The following CAMKK1 variants were observed in gnomAD, a reference collection of about 807,000 sequenced individuals.
The protein encoded by CAMKK1 is calcium/calmodulin dependent protein kinase kinase 1, also known as calcium/calmodulin-dependent protein kinase kinase 1.
CAMKK1 carries 20 observed loss-of-function variants against 63.5 expected under a neutral mutation model. That is an observed-to-expected ratio of 0.32 (90% confidence interval 0.22 to 0.46). CAMKK1 has a LOEUF of 0.46. CAMKK1 is among the 20% of genes least tolerant of loss of function. The pLI, the probability that CAMKK1 is intolerant of heterozygous loss-of-function variation, is 1.00. For missense variants in CAMKK1, 588 were observed against 658.1 expected, an observed-to-expected ratio of 0.89 and a Z score of 1.17; for synonymous variants, 253 against 269.0, an observed-to-expected ratio of 0.94 and a Z score of 0.58.
chr17:3,873,897 T>A (rs890682547), intron 10 of CAMKK1, among the ~76,000 whole-genome samples: 5 of 152,148 alleles, frequency 3.3e-5, no homozygotes, highest in African/African-American at 1.2e-4. Context: ...AAACAGCCCC[T>A]GCCCACACAG....
intron 15 of CAMKK1, chr17:3,865,394 C>G (rs904194800): frequency 7.1e-6 from 7 of 991,600 alleles, no homozygotes; most frequent in Non-Finnish European, 8.4e-6. Flanking sequence ...CACAGAGCCC[C>G]AGCAATGGCT....
At chr17:3,874,987 T>C (rs373382699) in intron 10 of CAMKK1, among the ~76,000 whole-genome samples, 2 of 151,516 alleles carry the variant, frequency 1.3e-5, no homozygotes, top group Admixed American at 6.6e-5. Flanking sequence ...CCGGGCGTGG[T>C]GGTGGGCGCC....
At position 3,862,329 on chromosome 17, in the gene CAMKK1, T is replaced by C. The variant is rs1168812300; in HGVS notation, c.1446-46A>G. 2.0e-5 allele frequency: 29 copies of C among 1,429,514 alleles called. No individual in the cohort carries two copies. The highest frequency in any genetic ancestry group is 2.7e-5 in the Non-Finnish European group (28 of 1,035,028). The allele number at this position is 1,429,514 out of a possible 1,614,324, so 88.6% of individuals were successfully genotyped here. ...ACAGAGGGACCTCAGGGTCAGAATA[T>C]GCACTCAGGGAGACACTCTCCCTCA... On this transcript the variant is annotated intron_variant, in intron 15 of 15. Transcript: ENST00000348335. The surrounding 1 kb of genome is among the most constrained non-coding windows in gnomAD (Gnocchi z 4.1).
chr17:3,865,779 C>A, intron 15 of CAMKK1, 129 bp downstream of exon 15: 1 of 1,487,326 alleles, frequency 6.7e-7, no homozygotes, highest in Non-Finnish European at 8.9e-7. Flanking sequence ...ATGGGGCCAA[C>A]ACCGAGACCT....
chr17:3,870,904 G>A (rs1418472948), intron 12 of CAMKK1, among the ~76,000 whole-genome samples: 1 of 152,194 alleles, frequency 6.6e-6, no homozygotes, highest in East Asian at 1.9e-4. Flanking sequence ...AGGATGAGGA[G>A]GAAATGGACA....
Position 3,883,743 on chromosome 17 carries a change from C to T in CAMKK1, c.462+141G>A. On this transcript the variant is annotated intron_variant, in intron 4 of 15. Transcript: ENST00000348335. This position sits in a 1 kb window ranked among gnomAD's most constrained non-coding sequence, Gnocchi z 4.7. Reference sequence around the variant, plus strand: ...TGCATATCCCCAGGGTTAGGAAGCTCATTCCTTTGCATACCCCTAGGGACA... The same window carrying T: ...TGCATATCCCCAGGGTTAGGAAGCTTATTCCTTTGCATACCCCTAGGGACA... 1.2e-6 allele frequency: 1 copy of T among 804,348 alleles called. No homozygotes were observed. 49.8% of individuals were successfully genotyped at this position (804,348 alleles called of 1,614,324 possible).
intron 12 of CAMKK1, among the ~76,000 whole-genome samples, chr17:3,871,608 G>C (rs1248963628): frequency 1.3e-5 from 2 of 148,920 alleles, no homozygotes; most frequent in Admixed American, 1.3e-4. Context: ...CGCCCTCCTT[G>C]GCCTCCCAAA....
intron 14 of CAMKK1, 135 bp from the exon 15 acceptor site, chr17:3,866,146 G>C (rs2054512861): frequency 9.4e-7 from 1 of 1,059,466 alleles, no homozygotes; most frequent in Admixed American, 2.3e-5. Context: ...GCATGAAATG[G>C]CAGAGGCAAG....
At position 3,889,474 on chromosome 17, in the gene CAMKK1, C is replaced by T. The variant is rs979557919; in HGVS notation, c.-44+3465G>A. ...CCCCCAGACTGGGGATCTGCTGCCT[C>T]GGACAAGTCATCGAGCCTCTTGGAG... is the stretch of plus-strand genomic sequence containing the variant. On this transcript the variant is annotated intron_variant, in intron 1 of 15. Coordinates refer to ENST00000348335, the MANE Select transcript of CAMKK1 (RefSeq NM_032294.3). This position sits in a 1 kb window ranked among gnomAD's most constrained non-coding sequence, Gnocchi z 5.2. Among the ~76,000 whole-genome samples the T allele has an allele frequency of 2.0e-5, 3 of 152,070 alleles. No homozygotes were observed. Among genetic ancestry groups the T allele is most frequent in the South Asian group, 2.1e-4 (1 of 4,830 alleles).
intron 1 of CAMKK1, among the ~76,000 whole-genome samples, chr17:3,888,631 C>T (rs1242286901): frequency 1.3e-5 from 2 of 152,220 alleles, no homozygotes; most frequent in Non-Finnish European, 2.9e-5. Context: ...TGTTGTTGTG[C>T]GGCTGCTGTT....
intron 14 of CAMKK1, among the ~76,000 whole-genome samples, 153 bp downstream of exon 14, chr17:3,869,334 C>T (rs2054731935): frequency 6.6e-6 from 1 of 152,218 alleles, no homozygotes. Context: ...CCTCCCTCTC[C>T]ATGGGCCTCC....
Position 3,865,989 on chromosome 17 carries a change from C to T in CAMKK1, c.1364G>A (p.Arg455Lys). The T allele has an allele frequency of 6.2e-7, 1 of 1,614,164 alleles. No homozygotes were observed. Among genetic ancestry groups the T allele is most frequent in the South Asian group, 1.1e-5 (1 of 91,072 alleles). ...TTVILVKSML[R>K]KRSFGNPFEP... is the part of the protein sequence containing the mutation. ...AAACGGGTTCCCAAAGGAACGCTTC[C>T]TCAGCATGGACTTCACCAGGATCTG... is the stretch of plus-strand genomic sequence containing the variant. The change falls in exon 15 of 16, where the codon AGG becomes AAG. Residue 455 changes from arginine to lysine, a missense_variant. Arg to Lys is a conservative substitution (Grantham distance 26). Transcript: ENST00000348335.
Position 3,892,277 on chromosome 17 carries a change from C to A in CAMKK1, c.-44+662G>T, listed in dbSNP as rs2055929839. On this transcript the variant is annotated intron_variant, in intron 1 of 15. Coordinates refer to ENST00000348335, the MANE Select transcript of CAMKK1 (RefSeq NM_032294.3). This position sits in a 1 kb window ranked among gnomAD's most constrained non-coding sequence, Gnocchi z 7.5. ...ACACACCACTCCATCCTGTCCTGCA[C>A]CCCCCACGCAGACACAGGCACACTC... Among the ~76,000 whole-genome samples the A allele has an allele frequency of 6.6e-6, 1 of 152,066 alleles. No homozygotes were observed. Among genetic ancestry groups the A allele is most frequent in the Non-Finnish European group, 1.5e-5 (1 of 67,984 alleles).
At chr17:3,871,728 C>CTA (rs1370390718) in intron 12 of CAMKK1, among the ~76,000 whole-genome samples, 1 of 150,250 alleles carries the variant, frequency 6.7e-6, no homozygotes, top group Non-Finnish European at 1.5e-5. Flanking sequence ...TCACTGCAAC[C>CTA]TCTGCCTCCT....
intron 14 of CAMKK1, among the ~76,000 whole-genome samples, chr17:3,866,886 A>AT (rs1360375517): frequency 6.6e-6 from 1 of 151,962 alleles, no homozygotes; most frequent in Admixed American, 6.6e-5. Flanking sequence ...CACCCGGCTA[A>AT]TTTTTTGTAT....
chr17:3,871,921 C>G (rs1260766726), intron 12 of CAMKK1, among the ~76,000 whole-genome samples: 1 of 152,200 alleles, frequency 6.6e-6, no homozygotes, highest in Non-Finnish European at 1.5e-5. Context: ...GCTGGGATTA[C>G]AGGCGTGAGC....
intron 1 of CAMKK1, among the ~76,000 whole-genome samples, chr17:3,886,998 T>C (rs1201892972): frequency 6.6e-6 from 1 of 152,164 alleles, no homozygotes; most frequent in African/African-American, 2.4e-5. Context: ...ACTGAGAACA[T>C]GGGTCTCAGG....
At chr17:3,864,119 A>ATT (rs1225262398) in intron 15 of CAMKK1, among the ~76,000 whole-genome samples, 15 of 141,406 alleles carry the variant, frequency 1.1e-4, no homozygotes, top group African/African-American at 3.4e-4. Context: ...CGCCCGGCTA[A>ATT]TTTTTTTTTT....
intron 9 of CAMKK1, 198 bp downstream of exon 9, chr17:3,880,148 C>T: frequency 1.7e-6 from 1 of 595,470 alleles, no homozygotes; most frequent in South Asian, 2.0e-5. Flanking sequence ...CTGGCACATG[C>T]CCAGTGGAGT....
Sources: allele counts gnomAD v4.1 joint callset (sites outside exome capture counted in the v4.1 genomes callset), GRCh38; gene constraint gnomAD v4.1.1; non-coding constraint Gnocchi (gnomAD v3.1); transcripts MANE v1.5; gene names NCBI Gene and HGNC (gene_info 2026-07-23, HGNC 2026-07-21).